The following KLHL32 variants were observed in gnomAD, a reference collection of about 807,000 sequenced individuals.
KLHL32 encodes the protein kelch-like protein 32.
In KLHL32, 35 loss-of-function variants were observed where a neutral mutation model predicts 64.8. The ratio of observed to expected loss-of-function variants is 0.54; its 90% CI spans 0.41 to 0.72. The LOEUF is 0.72. KLHL32 is among the 30% of genes least tolerant of loss of function. The pLI is 0.00. For missense variants in KLHL32, 589 were observed against 768.5 expected (o/e 0.77, Z 2.76); for synonymous variants, 259 against 281.0 (o/e 0.92, Z 0.78).
At chr6:97,019,164 T>C (rs1056401008) in intron 3 of KLHL32, among the ~76,000 whole-genome samples, 1 of 152,134 alleles carries the variant, frequency 6.6e-6, no homozygotes, top group African/African-American at 2.4e-5. Flanking sequence ...GGAAAACAAA[T>C]ATAGAAATTA....
chr6:96,953,854 CT>C (rs60587934), intron 1 of KLHL32, among the ~76,000 whole-genome samples: 69,743 of 142,496 alleles, frequency 0.49, 16,727 homozygotes, highest in African/African-American at 0.58. Context: ...TAATAGTTGT[CT>C]TTTTTTTTTT....
chr6:97,100,799 CTTT>C (rs763909891), intron 6 of KLHL32, among the ~76,000 whole-genome samples: 1 of 96,272 alleles, frequency 1.0e-5, no homozygotes. Flanking sequence ...GCTCATTATT[CTTT>C]TTTTTTTTTT....
chr6:97,099,937 A>G (rs1358847412), intron 6 of KLHL32, among the ~76,000 whole-genome samples: 1 of 151,944 alleles, frequency 6.6e-6, no homozygotes, highest in African/African-American at 2.4e-5. Flanking sequence ...TAAAAATATT[A>G]TTTGTATGAT....
At chr6:96,993,171 T>A (rs1002675257) in intron 3 of KLHL32, among the ~76,000 whole-genome samples, 2 of 152,258 alleles carry the variant, frequency 1.3e-5, no homozygotes, top group Non-Finnish European at 2.9e-5. Flanking sequence ...ACTCAGTATT[T>A]TCTGTTAGCT....
chr6:97,025,399 T>A (rs987556403), intron 3 of KLHL32, among the ~76,000 whole-genome samples: 1 of 152,228 alleles, frequency 6.6e-6, no homozygotes, highest in Non-Finnish European at 1.5e-5. Flanking sequence ...TCATATCAAA[T>A]CATTCATATC....
At chr6:97,049,240 C>T (rs1418169592) in intron 4 of KLHL32, among the ~76,000 whole-genome samples, 2 of 152,106 alleles carry the variant, frequency 1.3e-5, no homozygotes, top group Non-Finnish European at 2.9e-5. Context: ...TAAAGTAGAA[C>T]AATTATAACA....
intron 3 of KLHL32, among the ~76,000 whole-genome samples, chr6:96,990,000 T>G (rs1330703317): frequency 6.6e-6 from 1 of 152,252 alleles, no homozygotes; most frequent in Non-Finnish European, 1.5e-5. Flanking sequence ...AATTTTATTG[T>G]AATCCTTGGA....
the KLHL32 span, among the ~76,000 whole-genome samples, chr6:96,902,007 G>C: frequency 6.6e-6 from 1 of 152,132 alleles, no homozygotes; most frequent in Admixed American, 6.5e-5. Context: ...TTGATTCCAT[G>C]TCTTTGCTAT....
At chr6:96,949,100 C>T (rs1352921061) in intron 1 of KLHL32, among the ~76,000 whole-genome samples, 1 of 152,126 alleles carries the variant, frequency 6.6e-6, no homozygotes, top group East Asian at 1.9e-4. Flanking sequence ...TTTTAGCAGC[C>T]ATTGTTATCC....
At chr6:96,906,497 G>C in the KLHL32 span, among the ~76,000 whole-genome samples, 1 of 152,166 alleles carries the variant, frequency 6.6e-6, no homozygotes, top group Non-Finnish European at 1.5e-5. Flanking sequence ...GTGGAAATTA[G>C]AGAGCCATAG....
intron 3 of KLHL32, among the ~76,000 whole-genome samples, chr6:96,980,890 C>G (rs1377240840): frequency 6.6e-6 from 1 of 152,048 alleles, no homozygotes; most frequent in African/African-American, 2.4e-5. Flanking sequence ...ATTTAATTGA[C>G]TCACAGTTCT....
In KLHL32 at chr6:97,020,128, A is replaced by G. The variant is rs1781787879; in HGVS notation, c.205-21364A>G. On this transcript the variant is annotated intron_variant, in intron 3 of 10. Coordinates refer to ENST00000369261, the MANE Select transcript of KLHL32 (RefSeq NM_052904.4). ...AGGCTGATTTTTGTATTTTTAGTAG[A>G]GACAGGGTTTCACCGTGTTGGCCAG... Among the ~76,000 whole-genome samples the G allele has an allele frequency of 3.3e-5, 5 of 151,960 alleles. No homozygotes were observed. In the South Asian group the frequency reaches 1.0e-3, roughly 32 times the overall value.
intron 1 of KLHL32, among the ~76,000 whole-genome samples, chr6:96,946,314 G>A (rs1218432176): frequency 6.6e-6 from 1 of 152,016 alleles, no homozygotes; most frequent in African/African-American, 2.4e-5. Flanking sequence ...GATCCCATTT[G>A]TGGTGCTCAG....
Position 97,028,332 on chromosome 6 carries a change from C to T in KLHL32, c.205-13160C>T, listed in dbSNP as rs548761525. The stretch of plus-strand genomic sequence containing the variant: ...TGTTAACATTCCAAAATTCTATTTG[C>T]AGAAGAGAGGCTAGAGTTTAGTCTT... On this transcript the variant is annotated intron_variant, in intron 3 of 10. Coordinates refer to ENST00000369261, the MANE Select transcript of KLHL32 (RefSeq NM_052904.4). Among the ~76,000 whole-genome samples the T allele has an allele frequency of 3.9e-5, 6 of 152,262 alleles. No homozygotes were observed. The East Asian group carries it at 1.2e-3, about 29-fold the overall frequency.
chr6:97,002,084 G>A (rs1340968988), intron 3 of KLHL32, among the ~76,000 whole-genome samples: 1 of 152,224 alleles, frequency 6.6e-6, no homozygotes, highest in East Asian at 1.9e-4. Context: ...AGGAGAGCTG[G>A]TTGTATGCTT....
intron 5 of KLHL32, among the ~76,000 whole-genome samples, chr6:97,066,414 A>G (rs1335246834): frequency 6.6e-6 from 1 of 152,186 alleles, no homozygotes; most frequent in East Asian, 1.9e-4. Context: ...TGATCTGTTG[A>G]GATACTAAGT....
At chr6:96,980,079 G>A (rs1345431617) in intron 3 of KLHL32, among the ~76,000 whole-genome samples, 1 of 152,068 alleles carries the variant, frequency 6.6e-6, no homozygotes, top group East Asian at 1.9e-4. Context: ...TATGTGGAGA[G>A]TTCTAAGTAT....
intron 3 of KLHL32, among the ~76,000 whole-genome samples, chr6:97,001,098 G>A (rs1345346540): frequency 1.3e-5 from 2 of 152,156 alleles, no homozygotes; most frequent in African/African-American, 4.8e-5. Context: ...ATACTGTAAT[G>A]GTAGATACAA....
rs1478107796 is a variant in KLHL32 at position 96,976,039 on chromosome 6, A to T, written c.66A>T (p.Glu22Asp). Residue 22 changes from glutamate to aspartate, a missense_variant, in exon 3 of 11, where the codon GAA becomes GAT. By Grantham distance (45) the Glu-to-Asp change is conservative (BLOSUM62 2). Coordinates refer to ENST00000369261, the MANE Select transcript of KLHL32 (RefSeq NM_052904.4). ...MLTGQRLCHSESHNDSVLAAL... is the reference protein window; with the variant it reads ...MLTGQRLCHSDSHNDSVLAAL... The stretch of plus-strand genomic sequence containing the variant: ...CAGGCCAGAGGCTCTGCCACTCCGA[A>T]TCTCACAATGACAGTGTCCTGGCAG... The T allele has an allele frequency of 6.3e-7, 1 of 1,595,938 alleles. No individual in the cohort carries two copies. Among genetic ancestry groups the T allele is most frequent in the Non-Finnish European group, 8.6e-7 (1 of 1,166,606 alleles).
Sources: allele counts gnomAD v4.1 joint callset (sites outside exome capture counted in the v4.1 genomes callset), GRCh38; gene constraint gnomAD v4.1.1; transcripts MANE v1.5; gene names NCBI Gene and HGNC (gene_info 2026-07-23, HGNC 2026-07-21).